Variants in CASP4 observed in about 807,000 individuals in gnomAD.
CASP4 encodes caspase 4.
A neutral mutation model predicts 41.3 loss-of-function variants in CASP4; 29 were observed. The observed-to-expected ratio is 0.70, with a 90% confidence interval of 0.52 to 0.96. The LOEUF is 0.96. Ranked by LOEUF, CASP4 falls within the 40% of genes least tolerant of loss-of-function variation. The pLI, the probability that CASP4 is intolerant of heterozygous loss-of-function variation, is 0.00. For missense variants in CASP4, 447 were observed against 460.6 expected (o/e 0.97, Z 0.27); for synonymous variants, 185 against 158.4 (o/e 1.17, Z -1.26).
chr11:104,945,383 G>T (rs1860431964), intron 7 of CASP4, among the ~76,000 whole-genome samples: 1 of 151,826 alleles, frequency 6.6e-6, no homozygotes. Context: ...CTCCCAAGTA[G>T]CTGAGGTTAC....
intron 4 of CASP4, 95 bp downstream of exon 4, chr11:104,950,830 G>C: frequency 1.6e-6 from 1 of 607,500 alleles, no homozygotes; most frequent in Non-Finnish European, 2.6e-6. Flanking sequence ...ACACCCAAAG[G>C]TTGTTAAACC....
chr11:104,947,189 T>A lies in CASP4; in HGVS notation c.929A>T (p.Asn310Ile). 1 of 1,584,908 alleles carries A rather than the reference T, an allele frequency of 6.3e-7. No homozygotes were observed. The highest frequency in any genetic ancestry group is 2.2e-5 in the East Asian group (1 of 44,624). Residue 310 changes from asparagine (N) to isoleucine (I), a missense_variant, in exon 7 of 9, where the codon AAC becomes ATC. Coordinates refer to ENST00000444739, the MANE Select transcript of CASP4 (RefSeq NM_001225.4). Reference protein sequence around the residue: ...FIAFCSSTPHNVSWRDSTMGS... With the variant: ...FIAFCSSTPHIVSWRDSTMGS... ...CATTGTGCTGTCTCTCCAGGACACG[T>A]TGTCTATAATGATACAGATGGGTAT...
Position 104,954,998 on chromosome 11 carries a change from C to G in CASP4, c.11G>C (p.Gly4Ala). Reference protein sequence around the residue: MAEGNHRKKPLKVL... With the variant: MAEANHRKKPLKVL... Reference sequence around the variant, plus strand: ...CTTAAGTGGCTTTTTTCTGTGGTTGCCTTCTGTTAGAAATAGAAAGATTCC... The same window carrying G: ...CTTAAGTGGCTTTTTTCTGTGGTTGGCTTCTGTTAGAAATAGAAAGATTCC... Residue 4 changes from glycine (G) to alanine (A), a missense_variant, in exon 2 of 9, where the codon GGC becomes GCC. Coordinates refer to ENST00000444739, the MANE Select transcript of CASP4 (RefSeq NM_001225.4). The G allele has an allele frequency of 6.2e-7, 1 of 1,611,474 alleles. No individual in the cohort carries two copies. Among genetic ancestry groups the G allele is most frequent in the Non-Finnish European group, 8.5e-7 (1 of 1,178,996 alleles).
In CASP4 at chr11:104,955,035, G is replaced by A. The variant is rs947651320; in HGVS notation, c.8-34C>T. On this transcript the variant is annotated intron_variant, in intron 1 of 8. Transcript: ENST00000444739. ...AATAGAAAGATTCCTTTAACTATGG[G>A]CACAGCTTAAAGAGTTTCACCCTCA... is the stretch of plus-strand genomic sequence containing the variant. 1.9e-6 allele frequency: 3 copies of A among 1,601,578 alleles called. No homozygotes were observed. In the African/African-American group the frequency reaches 4.1e-5, roughly 22 times the overall value.
rs1284067659 is a variant in CASP4, at chr11:104,954,729, T to G, written c.262+18A>C. 2 of 1,609,188 alleles carry G rather than the reference T, an allele frequency of 1.2e-6. No homozygotes were observed. The highest frequency in any genetic ancestry group is 1.7e-6 in the Non-Finnish European group (2 of 1,177,410). ...TTAGGGAAAATTGAGACATTCATTG[T>G]AAAAAATCCAGTCTTACCTTTTTTA... is the stretch of plus-strand genomic sequence containing the variant. On this transcript the variant is annotated intron_variant, in intron 2 of 8. Coordinates refer to ENST00000444739, the MANE Select transcript of CASP4 (RefSeq NM_001225.4).
At chr11:104,957,495 C>T (rs1465597571) in intron 1 of CASP4, among the ~76,000 whole-genome samples, 1 of 151,902 alleles carries the variant, frequency 6.6e-6, no homozygotes, top group East Asian at 1.9e-4. Context: ...TTGCTTAAGC[C>T]CAGGAATTTG....
rs1860595522 is a variant in CASP4 at position 104,950,940 on chromosome 11, C to T, written c.531G>A (p.Glu177=). 1 of 1,611,292 alleles carries T rather than the reference C, an allele frequency of 6.2e-7. No homozygotes were observed. Among genetic ancestry groups the T allele is most frequent in the Middle Eastern group, 1.7e-4 (1 of 6,022 alleles). ...EGLDYSVDVE[E]NLTARDMESA... is the part of the protein sequence containing the mutation. ...GGATTCTTACCCTGGCTGTCAGATTCTCTTCTACATCTACACTATAGTCCA... is the reference window on the plus strand; with the variant it reads ...GGATTCTTACCCTGGCTGTCAGATTTTCTTCTACATCTACACTATAGTCCA... The change falls in exon 4 of 9, where the codon GAG becomes GAA. Residue 177 remains glutamate (E), a synonymous_variant. Transcript: ENST00000444739.
chr11:104,950,876 G>A (rs772093785), intron 4 of CASP4, 49 bp downstream of exon 4: 1 of 1,555,986 alleles, frequency 6.4e-7, no homozygotes, highest in Admixed American at 1.8e-5. Flanking sequence ...GTTATTAGAA[G>A]GATGTGTCTT....
At chr11:104,957,149 G>A (rs560342899) in intron 1 of CASP4, among the ~76,000 whole-genome samples, 2 of 151,798 alleles carry the variant, frequency 1.3e-5, no homozygotes, top group Non-Finnish European at 2.9e-5. Flanking sequence ...TCTTATATAC[G>A]GAAAACCCTA....
chr11:104,963,117 G>A (rs568324938), intron 1 of CASP4, among the ~76,000 whole-genome samples: 12 of 152,302 alleles, frequency 7.9e-5, no homozygotes, highest in African/African-American at 2.9e-4. Context: ...AGAGCACTAA[G>A]GTTAAAAGTC....
At chr11:104,966,881 T>C (rs182360607) in intron 1 of CASP4, among the ~76,000 whole-genome samples, 1 of 152,290 alleles carries the variant, frequency 6.6e-6, no homozygotes, top group Admixed American at 6.5e-5. Flanking sequence ...TCAACTACAA[T>C]ATGGAAATAA....
chr11:104,950,482 C>A (rs568404184), intron 4 of CASP4, among the ~76,000 whole-genome samples: 1 of 152,202 alleles, frequency 6.6e-6, no homozygotes, highest in African/African-American at 2.4e-5. Context: ...TTCACTGTTT[C>A]TCTCTACTGT....
intron 1 of CASP4, among the ~76,000 whole-genome samples, chr11:104,962,753 T>G (rs1860888573): frequency 1.3e-5 from 2 of 152,360 alleles, no homozygotes; most frequent in Admixed American, 6.5e-5. Flanking sequence ...GTCTCCTTCT[T>G]GGAATAGCAA....
At chr11:104,953,756 T>TG (rs1860671247) in intron 2 of CASP4, among the ~76,000 whole-genome samples, 1 of 152,138 alleles carries the variant, frequency 6.6e-6, no homozygotes, top group African/African-American at 2.4e-5. Flanking sequence ...GCTTAAATTC[T>TG]GGGGGGTATT....
At chr11:104,961,335 G>T (rs1235926422) in intron 1 of CASP4, among the ~76,000 whole-genome samples, 1 of 152,218 alleles carries the variant, frequency 6.6e-6, no homozygotes, top group Admixed American at 6.5e-5. Flanking sequence ...CCTAGGTGCT[G>T]CCAATGCCTC....
At chr11:104,951,315 T>A (rs1860608253) in intron 3 of CASP4, 12 of 399,238 alleles carry the variant, frequency 3.0e-5, no homozygotes. Flanking sequence ...ATAATTCCTA[T>A]GCCTTTTCTT....
chr11:104,942,996 A>G (rs1473765101), intron 8 of CASP4, 23 bp from the exon 9 acceptor site: 2 of 454,394 alleles, frequency 4.4e-6, no homozygotes, highest in Non-Finnish European at 8.8e-6. Flanking sequence ...GAAAAAACAG[A>G]AGGTCAAGAT....
intron 1 of CASP4, among the ~76,000 whole-genome samples, chr11:104,963,836 G>C (rs549629068): frequency 6.6e-6 from 1 of 152,074 alleles, no homozygotes; most frequent in Non-Finnish European, 1.5e-5. Flanking sequence ...AGTATAAAAT[G>C]GCATCCTTCA....
intron 4 of CASP4, 103 bp downstream of exon 4, chr11:104,950,822 A>ACACACACACACACACC: frequency 9.8e-7 from 1 of 1,022,900 alleles, no homozygotes. Context: ...ACACACACAC[A>ACACACACACACACACC]CCCAAAGGTT....
Sources: gnomAD v4.1 joint callset for allele counts (sites outside exome capture counted in the v4.1 genomes callset) on GRCh38, gnomAD v4.1.1 for gene constraint, MANE v1.5 for transcripts, NCBI Gene and HGNC (gene_info 2026-07-23, HGNC 2026-07-21) for gene names.